The following PARVA variants were observed in gnomAD, a reference collection of about 807,000 sequenced individuals.
PARVA encodes the protein parvin alpha.
PARVA carries 25 observed loss-of-function variants against 52.6 expected under a neutral mutation model. The observed-to-expected ratio is 0.48, with a 90% confidence interval of 0.35 to 0.66. PARVA has a LOEUF of 0.66. Among genes scored for constraint, PARVA ranks in the 30% least tolerant of loss-of-function variants. The probability of loss-of-function intolerance (pLI) is 0.01; values close to 1 mark genes in which losing one functional copy is unlikely to be tolerated. For synonymous variants in PARVA, 185 were observed against 179.1 expected (o/e 1.03, Z -0.26); for missense variants, 373 against 450.9 (o/e 0.83, Z 1.56).
chr11:12,517,754 C>T (rs986679122), intron 11 of PARVA, 43 bp downstream of exon 11: 2 of 1,371,000 alleles, frequency 1.5e-6, no homozygotes, highest in South Asian at 2.5e-5. Context: ...AGCCCACATC[C>T]CCTGACTCAT....
chr11:12,443,694 A>G (rs986083889), intron 1 of PARVA, among the ~76,000 whole-genome samples: 1 of 152,164 alleles, frequency 6.6e-6, no homozygotes, highest in Non-Finnish European at 1.5e-5. Context: ...GATGCAGCCT[A>G]GTGGATATCA....
chr11:12,498,011 A>G (rs1466691384), intron 5 of PARVA, among the ~76,000 whole-genome samples: 1 of 152,166 alleles, frequency 6.6e-6, no homozygotes, highest in East Asian at 1.9e-4. Flanking sequence ...AAAGTCTGAG[A>G]TAGAAGAACA....
At chr11:12,519,744 A>G (rs1429063016) in intron 12 of PARVA, among the ~76,000 whole-genome samples, 1 of 152,180 alleles carries the variant, frequency 6.6e-6, no homozygotes, top group African/African-American at 2.4e-5. Context: ...CTCGTTATCT[A>G]TTGACTCTAG....
intron 4 of PARVA, among the ~76,000 whole-genome samples, chr11:12,482,540 C>T (rs565859285): frequency 4.0e-5 from 6 of 151,450 alleles, no homozygotes; most frequent in Non-Finnish European, 5.9e-5. Flanking sequence ...GCAGGAGAAT[C>T]GCTTGAACCC....
intron 1 of PARVA, among the ~76,000 whole-genome samples, chr11:12,441,201 G>A (rs751917473): frequency 7.9e-5 from 12 of 152,180 alleles, no homozygotes; most frequent in Non-Finnish European, 1.5e-4. Flanking sequence ...CAAACTTTGC[G>A]TTCCTGACCT....
At chr11:12,505,564 G>C (rs965720366) in intron 6 of PARVA, among the ~76,000 whole-genome samples, 2 of 152,232 alleles carry the variant, frequency 1.3e-5, no homozygotes, top group East Asian at 3.9e-4. Context: ...CTGCTGAGGA[G>C]ATAGGACTAC....
intron 1 of PARVA, among the ~76,000 whole-genome samples, chr11:12,472,425 G>T (rs1038378548): frequency 3.3e-5 from 5 of 152,166 alleles, no homozygotes; most frequent in African/African-American, 1.2e-4. Context: ...GTCTGTGAAT[G>T]TGGAGATCAA....
chr11:12,416,618 G>GAAGA (rs1171930695), intron 1 of PARVA, among the ~76,000 whole-genome samples: 1 of 152,062 alleles, frequency 6.6e-6, no homozygotes, highest in Non-Finnish European at 1.5e-5. Flanking sequence ...AGGAAGGAAG[G>GAAGA]AAGAAAAGGA....
intron 5 of PARVA, 142 bp from the exon 6 acceptor site, chr11:12,504,172 G>A: frequency 1.6e-6 from 1 of 625,446 alleles, no homozygotes; most frequent in South Asian, 1.9e-5. Context: ...CCAACACCGG[G>A]GATTACATTT....
chr11:12,477,708 C>A (rs1941033759), intron 3 of PARVA, 139 bp from the exon 4 acceptor site: 3 of 572,006 alleles, frequency 5.2e-6, no homozygotes, highest in African/African-American at 4.1e-5. Flanking sequence ...CATAGTGAGA[C>A]CCCATCTCAA....
intron 4 of PARVA, among the ~76,000 whole-genome samples, chr11:12,481,276 A>G (rs1941082555): frequency 6.6e-6 from 1 of 152,080 alleles, no homozygotes; most frequent in African/African-American, 2.4e-5. Flanking sequence ...TGTCATTTCT[A>G]TTTATTTATA....
At chr11:12,517,537 G>A (rs1044159253) in intron 10 of PARVA, 73 bp from the exon 11 acceptor site, 8 of 1,155,338 alleles carry the variant, frequency 6.9e-6, no homozygotes, top group Non-Finnish European at 1.0e-5. Context: ...TAGCACAGAA[G>A]TTGATGGGCC....
At chr11:12,459,074 C>T (rs148281071) in intron 1 of PARVA, among the ~76,000 whole-genome samples, 5 of 152,296 alleles carry the variant, frequency 3.3e-5, no homozygotes, top group African/African-American at 1.2e-4. Context: ...GGGATCTTTT[C>T]AGGGAAGTCC....
In PARVA at chr11:12,391,432, T is replaced by C. The variant is rs561372871; in HGVS notation, c.136+13649T>C. Among the ~76,000 whole-genome samples the C allele has an allele frequency of 6.4e-4, 98 of 152,340 alleles. 1 individual carries two copies. The highest frequency in any genetic ancestry group is 2.5e-4 in the Non-Finnish European group (17 of 68,024). On this transcript the variant is annotated intron_variant, in intron 1 of 12. Coordinates refer to ENST00000334956, the MANE Select transcript of PARVA (RefSeq NM_018222.5). Reference sequence around the variant, plus strand: ...TAAGTAATTTGGGCTCCCAGCTACCTAGCCCTTTCAGTATTACTGGTTCTG... The same window carrying C: ...TAAGTAATTTGGGCTCCCAGCTACCCAGCCCTTTCAGTATTACTGGTTCTG...
At chr11:12,380,052 A>C (rs1335237547) in intron 1 of PARVA, among the ~76,000 whole-genome samples, 2 of 152,120 alleles carry the variant, frequency 1.3e-5, no homozygotes, top group Non-Finnish European at 2.9e-5. Context: ...TTTTATTACT[A>C]CCTTGCTGAA....
At chr11:12,520,201 G>GA (rs1481501130) in intron 12 of PARVA, among the ~76,000 whole-genome samples, 1 of 152,236 alleles carries the variant, frequency 6.6e-6, no homozygotes, top group Non-Finnish European at 1.5e-5. Context: ...GATGTGGATG[G>GA]AAAAACACGT....
intron 12 of PARVA, among the ~76,000 whole-genome samples, chr11:12,519,170 C>T (rs926728586): frequency 6.6e-6 from 1 of 152,232 alleles, no homozygotes; most frequent in African/African-American, 2.4e-5. Flanking sequence ...TGGCAGGTCA[C>T]CACTGTGTTG....
chr11:12,515,336 G>A (rs184073132), intron 10 of PARVA, among the ~76,000 whole-genome samples: 11 of 152,200 alleles, frequency 7.2e-5, no homozygotes, highest in Admixed American at 2.6e-4. Context: ...CCAGCCTGTC[G>A]CTGAGCTCCA....
intron 3 of PARVA, among the ~76,000 whole-genome samples, chr11:12,476,597 ACT>A (rs1161037267): frequency 6.6e-6 from 1 of 151,102 alleles, no homozygotes; most frequent in Non-Finnish European, 1.5e-5. Flanking sequence ...CCTCTTCTCT[ACT>A]CTCTCATAGC....
Sources: gnomAD v4.1 joint callset for allele counts (sites outside exome capture counted in the v4.1 genomes callset) on GRCh38, gnomAD v4.1.1 for gene constraint, MANE v1.5 for transcripts, NCBI Gene and HGNC (gene_info 2026-07-23, HGNC 2026-07-21) for gene names.